The following MIA2 variants were observed in gnomAD, a reference collection of about 807,000 sequenced individuals.
MIA2 encodes melanoma inhibitory activity protein 2.
MIA2 carries 127 observed loss-of-function variants against 167.8 expected under a neutral mutation model. That is an observed-to-expected ratio of 0.76 (90% CI 0.66 to 0.88). The LOEUF is 0.88. Among genes scored for constraint, MIA2 ranks in the 40% least tolerant of loss-of-function variants. The pLI, the probability that MIA2 is intolerant of heterozygous loss-of-function variation, is 0.00. For synonymous variants in MIA2, 552 were observed against 541.9 expected (o/e 1.02, Z -0.26); for missense variants, 1,690 against 1,624.7 (o/e 1.04, Z -0.69).
chr14:39,353,597 T>C (rs1204799217), downstream of MIA2, among the ~76,000 whole-genome samples: 4 of 152,196 alleles, frequency 2.6e-5, no homozygotes, highest in South Asian at 4.1e-4. Context: ...ATACTTCAAG[T>C]TGTAGGGTAC....
At chr14:39,254,278 C>T (rs1051961832) in intron 6 of MIA2, among the ~76,000 whole-genome samples, 1 of 152,050 alleles carries the variant, frequency 6.6e-6, no homozygotes. Context: ...ACTTTTGGAG[C>T]ACAATAAGCA....
At chr14:39,249,198 T>A (rs1341447888) in intron 4 of MIA2, among the ~76,000 whole-genome samples, 1 of 152,190 alleles carries the variant, frequency 6.6e-6, no homozygotes, top group Non-Finnish European at 1.5e-5. Context: ...TGGAGTGCAG[T>A]GGTGCGATCA....
intron 18 of MIA2, among the ~76,000 whole-genome samples, chr14:39,308,947 T>G (rs1426729427): frequency 6.6e-6 from 1 of 152,228 alleles, no homozygotes; most frequent in East Asian, 1.9e-4. Context: ...TTCTGTTCTG[T>G]GCAAATTGCT....
chr14:39,294,145 A>G, intron 12 of MIA2, 74 bp downstream of exon 12: 2 of 1,085,012 alleles, frequency 1.8e-6, no homozygotes, highest in Non-Finnish European at 2.7e-6. Flanking sequence ...ATTAAGAAAT[A>G]AGACACAATA....
chr14:39,348,758 G>C lies in MIA2; in HGVS notation c.3853G>C (p.Asp1285His). 1.2e-6 allele frequency: 2 copies of C among 1,613,908 alleles called. No individual in the cohort carries two copies. Among genetic ancestry groups the C allele is most frequent in the South Asian group, 1.1e-5 (1 of 91,074 alleles). The change falls in exon 28 of 29, where the codon GAT becomes CAT. Residue 1285 changes from aspartate to histidine, a missense_variant. Physicochemically the swap from Asp to His is moderately conservative, Grantham distance 81 (BLOSUM62 -1). Coordinates refer to ENST00000640607, the MANE Select transcript of MIA2 (RefSeq NM_001329214.4). Reference protein sequence around the residue: ...KDDLGNLNVPDSSLPAENEAT... With the variant: ...KDDLGNLNVPHSSLPAENEAT... ...TTTGTTGTAGAATTTAAATGTGCCT[G>C]ATTCATCTCTCCCTGCTGAAAATGA... is the stretch of plus-strand genomic sequence containing the variant.
At chr14:39,341,242 C>G (rs764154753) in intron 25 of MIA2, among the ~76,000 whole-genome samples, 19 of 152,016 alleles carry the variant, frequency 1.2e-4, no homozygotes, top group Non-Finnish European at 2.4e-4. Flanking sequence ...GGAGAGCTTA[C>G]AGTGAGCTGA....
intron 23 of MIA2, among the ~76,000 whole-genome samples, chr14:39,374,975 C>A (rs1246638781): frequency 6.6e-6 from 1 of 152,174 alleles, no homozygotes; most frequent in African/African-American, 2.4e-5. Context: ...TTAAAACTTT[C>A]AGAGTGTGCT....
downstream of MIA2, chr14:39,350,850 TAAA>T (rs769105078): frequency 1.3e-5 from 2 of 152,214 alleles, no homozygotes; most frequent in Non-Finnish European, 2.9e-5. Flanking sequence ...AATACACTTT[TAAA>T]AGTCAAAATT....
At chr14:39,374,628 C>T (rs1320168750) in intron 23 of MIA2, among the ~76,000 whole-genome samples, 1 of 152,150 alleles carries the variant, frequency 6.6e-6, no homozygotes, top group Non-Finnish European at 1.5e-5. Context: ...GTGTGTTCAT[C>T]CCAAGAGATC....
intron 9 of MIA2, among the ~76,000 whole-genome samples, chr14:39,283,970 A>G (rs1015573325): frequency 6.6e-6 from 1 of 151,688 alleles, no homozygotes; most frequent in African/African-American, 2.4e-5. Flanking sequence ...ACTTGTGTAT[A>G]TTTTTATTTT....
intron 2 of MIA2, among the ~76,000 whole-genome samples, chr14:39,238,349 T>A (rs1449691557): frequency 6.6e-6 from 1 of 151,564 alleles, no homozygotes; most frequent in African/African-American, 2.4e-5. Flanking sequence ...ATTTTTGTAT[T>A]TTTAGTAGTG....
At chr14:39,383,908 T>A (rs2075218531) in intron 23 of MIA2, among the ~76,000 whole-genome samples, 1 of 152,022 alleles carries the variant, frequency 6.6e-6, no homozygotes, top group Admixed American at 6.6e-5. Flanking sequence ...GTTCATGAGG[T>A]TTAGATAAAG....
intron 6 of MIA2, among the ~76,000 whole-genome samples, chr14:39,263,639 T>TG: frequency 6.6e-6 from 1 of 150,518 alleles, no homozygotes; most frequent in African/African-American, 2.4e-5. Flanking sequence ...CTCTCTTTTT[T>TG]TTTTTTTTCT....
chr14:39,250,733 T>C (rs1445391855), intron 4 of MIA2, among the ~76,000 whole-genome samples: 1 of 142,774 alleles, frequency 7.0e-6, no homozygotes, highest in Non-Finnish European at 1.5e-5. Flanking sequence ...TATATATATA[T>C]TTAAAATTTA....
intron 13 of MIA2, among the ~76,000 whole-genome samples, chr14:39,295,694 G>A (rs2061329834): frequency 6.6e-6 from 1 of 152,064 alleles, no homozygotes; most frequent in Admixed American, 6.6e-5. Flanking sequence ...CGAGTAGCTG[G>A]GACTACAGGC....
intron 25 of MIA2, among the ~76,000 whole-genome samples, chr14:39,328,827 G>A (rs1490775761): frequency 6.6e-6 from 1 of 152,058 alleles, no homozygotes; most frequent in African/African-American, 2.4e-5. Context: ...TGTTCTATAT[G>A]TCTGTTTTTG....
At chr14:39,284,344 T>C (rs2059337360) in intron 9 of MIA2, among the ~76,000 whole-genome samples, 2 of 152,204 alleles carry the variant, frequency 1.3e-5, no homozygotes, top group African/African-American at 4.8e-5. Flanking sequence ...TGGTGCCCTA[T>C]TGAAAATTTG....
rs1396961023 is a variant in MIA2 at position 39,261,802 on chromosome 14, C to T, written c.1887+8631C>T. On this transcript the variant is annotated intron_variant, in intron 6 of 28. Coordinates refer to ENST00000640607, the MANE Select transcript of MIA2 (RefSeq NM_001329214.4). Reference sequence around the variant, plus strand: ...ATAAATGTCTTCTTTTGAGAAGTGTCTGTTCATATCCTTCACCCACGTGTT... The same window carrying T: ...ATAAATGTCTTCTTTTGAGAAGTGTTTGTTCATATCCTTCACCCACGTGTT... Among the ~76,000 whole-genome samples, 3 of 152,278 alleles carry T rather than the reference C, an allele frequency of 2.0e-5. No homozygotes were observed. The East Asian group carries it at 5.8e-4, about 29-fold the overall frequency.
At chr14:39,266,903 C>G (rs2055802817) in intron 6 of MIA2, 1 of 680,056 alleles carries the variant, frequency 1.5e-6, no homozygotes, top group South Asian at 6.4e-5. Context: ...CCACCGCGGC[C>G]GCCCGAGGCG....
Sources: allele counts gnomAD v4.1 joint callset (sites outside exome capture counted in the v4.1 genomes callset), GRCh38; gene constraint gnomAD v4.1.1; transcripts MANE v1.5; gene names NCBI Gene and HGNC (gene_info 2026-07-23, HGNC 2026-07-21).